MTMR10: variants seen among roughly 807,000 people sequenced by gnomAD.
MTMR10 encodes the protein myotubularin-related protein 10.
In MTMR10, 56 loss-of-function variants were observed where a neutral mutation model predicts 88.1. The observed-to-expected ratio is 0.64, with a 90% CI of 0.51 to 0.79. The LOEUF is 0.79. MTMR10 is among the 30% of genes least tolerant of loss of function. The probability of loss-of-function intolerance (pLI) is 0.00; values close to 1 mark genes in which losing one functional copy is unlikely to be tolerated. For synonymous variants in MTMR10, 380 were observed against 340.9 expected (o/e 1.11, Z -1.26); for missense variants, 883 against 924.7 (o/e 0.95, Z 0.58).
Position 30,946,774 on chromosome 15 carries a change from A to G in MTMR10, c.1548+356T>C, listed in dbSNP as rs1339817402. 7.1e-6 allele frequency: 5 copies of G among 702,374 alleles called. No homozygotes were observed. In the Admixed American group the frequency reaches 1.0e-4, roughly 14 times the overall value. 43.5% of individuals were successfully genotyped at this position (702,374 alleles called of 1,614,324 possible). A position where few individuals can be genotyped will look rare whatever the true frequency, so the allele number is the denominator to read the frequency against. ...CTTGTTTTGTACAACTTTTTATCCT[A>G]CTGACCTAGGAAATAAATGTCGTGT... On this transcript the variant is annotated intron_variant, in intron 14 of 15. Coordinates refer to ENST00000435680, the MANE Select transcript of MTMR10 (RefSeq NM_017762.3).
chr15:30,935,027 G>A (rs2062814222), downstream of MTMR10, among the ~76,000 whole-genome samples: 1 of 151,882 alleles, frequency 6.6e-6, no homozygotes, highest in African/African-American at 2.4e-5. Context: ...TCTCCTGCTT[G>A]AAGAATTTCC....
At chr15:30,943,248 G>A in intron 14 of MTMR10, 176 bp from the exon 15 acceptor site, 1 of 1,366,598 alleles carries the variant, frequency 7.3e-7, no homozygotes, top group Non-Finnish European at 9.4e-7. Flanking sequence ...TGAGCTCAGA[G>A]GGCCCCACAG....
the MTMR10 span, chr15:30,926,512 C>A: frequency 4.6e-6 from 2 of 437,982 alleles, no homozygotes; most frequent in Non-Finnish European, 3.0e-6. Flanking sequence ...TTAACAAGTA[C>A]TATAGAAAGA....
chr15:30,927,665 A>T, the MTMR10 span: 1 of 985,548 alleles, frequency 1.0e-6, no homozygotes, highest in Non-Finnish European at 1.2e-6. Flanking sequence ...GCATGTCAGG[A>T]TGGGGGTCTG....
At chr15:30,929,896 A>C in the MTMR10 span, among the ~76,000 whole-genome samples, 1 of 73,102 alleles carries the variant, frequency 1.4e-5, no homozygotes, top group African/African-American at 5.5e-5. Context: ...TATCATATAT[A>C]ATATATAAAA....
Position 30,974,405 on chromosome 15 carries a change from T to A in MTMR10, c.383A>T (p.Lys128Ile). The A allele has an allele frequency of 6.2e-7, 1 of 1,607,582 alleles. No homozygotes were observed. Among genetic ancestry groups the A allele is most frequent in the Non-Finnish European group, 8.5e-7 (1 of 1,176,050 alleles). Reference protein sequence around the residue: ...QKVLGPNQKLKFNPTELIIYC... With the variant: ...QKVLGPNQKLIFNPTELIIYC... ...AATAATTAACTCTGTTGGATTAAAT[T>A]TCAGTTTCTGGTTGGGGCCTAGGAC... The change falls in exon 5 of 16, where the codon AAA becomes ATA. Residue 128 changes from lysine to isoleucine, a missense_variant. Physicochemically the swap from Lys to Ile is moderately radical, Grantham distance 102. This residue lies in a region of MTMR10 where 414 missense variants were observed against 423.2 expected (regional missense o/e 0.98). Coordinates refer to ENST00000435680, the MANE Select transcript of MTMR10 (RefSeq NM_017762.3).
intron 7 of MTMR10, among the ~76,000 whole-genome samples, chr15:30,959,835 T>C (rs183904520): frequency 3.9e-5 from 6 of 152,354 alleles, no homozygotes; most frequent in Admixed American, 1.3e-4. Context: ...AAGCTGCTTA[T>C]GTGCGTGAAC....
Position 30,991,400 on chromosome 15 carries a change from C to G in MTMR10, c.60+47G>C, listed in dbSNP as rs564280397. On this transcript the variant is annotated intron_variant, in intron 1 of 15. Transcript: ENST00000435680. ...CCCGGGGGTCGGCCTGGAGGCTCCA[C>G]GGAAGCGCAGAGGAGAGTCGGGCGC... The G allele has an allele frequency of 6.3e-6, 9 of 1,430,216 alleles. No individual in the cohort carries two copies. The East Asian group carries it at 1.9e-4, about 31-fold the overall frequency. The allele number at this position is 1,430,216 out of a possible 1,614,324, so 88.6% of individuals were successfully genotyped here.
intron 13 of MTMR10, among the ~76,000 whole-genome samples, 180 bp from the exon 14 acceptor site, chr15:30,947,480 G>T (rs1052581507): frequency 3.9e-5 from 6 of 152,146 alleles, no homozygotes; most frequent in African/African-American, 1.4e-4. Flanking sequence ...ACATTCAACC[G>T]TGATAAACAT....
the MTMR10 span, chr15:30,920,487 ATTGTC>A: frequency 1.9e-6 from 2 of 1,071,734 alleles, no homozygotes; most frequent in South Asian, 2.7e-5. Flanking sequence ...ACTTGTTATT[ATTGTC>A]TTATAATAAA....
chr15:30,919,688 C>CA, the MTMR10 span, among the ~76,000 whole-genome samples: 2 of 118,624 alleles, frequency 1.7e-5, no homozygotes, highest in African/African-American at 7.7e-5. Context: ...GACTCTGTCT[C>CA]GGGGAAAAAA....
intron 12 of MTMR10, among the ~76,000 whole-genome samples, chr15:30,951,368 C>G (rs1595915556): frequency 6.6e-6 from 1 of 152,236 alleles, no homozygotes; most frequent in East Asian, 1.9e-4. Context: ...AGAGAATGCC[C>G]TGTCAAAATT....
In MTMR10 at chr15:30,940,282, CTTT is replaced by C. The variant is rs2062996777; in HGVS notation, c.*1185_*1187del. The C allele has an allele frequency of 3.5e-6, 3 of 867,046 alleles. No individual in the cohort carries two copies. In the African/African-American group the frequency reaches 5.6e-5, roughly 16 times the overall value. 53.7% of individuals were successfully genotyped at this position (867,046 alleles called of 1,614,324 possible). A position where few individuals can be genotyped will look rare whatever the true frequency, so the allele number is the denominator to read the frequency against. ...TGTCACACAGTTTGGAAATACTTTACTTTAGAGAGATTCAGATCAAGCAAACAA... is the reference window on the plus strand; with the variant it reads ...TGTCACACAGTTTGGAAATACTTTACAGAGAGATTCAGATCAAGCAAACAA... On this transcript the variant is annotated 3_prime_UTR_variant, in exon 16 of 16. Transcript: ENST00000435680.
intron 14 of MTMR10, chr15:30,943,829 C>T: frequency 1.0e-6 from 1 of 985,442 alleles, no homozygotes; most frequent in African/African-American, 1.7e-5. Context: ...CAGACCATTT[C>T]TATGAAGCAC....
chr15:30,934,402 C>T (rs1290562581), downstream of MTMR10, among the ~76,000 whole-genome samples: 3 of 152,140 alleles, frequency 2.0e-5, no homozygotes, highest in Non-Finnish European at 4.4e-5. Context: ...GTGTTTGGAA[C>T]ATTTACATTT....
the MTMR10 span, chr15:30,927,949 G>A: frequency 1.0e-6 from 1 of 985,812 alleles, no homozygotes; most frequent in Non-Finnish European, 1.2e-6. Flanking sequence ...CGTGAGGAGG[G>A]GCACTGAAGT....
At chr15:30,929,327 G>A in the MTMR10 span, 1 of 1,611,940 alleles carries the variant, frequency 6.2e-7, no homozygotes, top group African/African-American at 1.3e-5. Flanking sequence ...GCAGCCACGT[G>A]GCATGAGCAG....
Position 30,954,770 on chromosome 15 carries a change from G to A in MTMR10, c.1059C>T (p.Cys353=), listed in dbSNP as rs368368656. The part of the protein sequence containing the change: ...QAAFVKLKQL[C]VNEPFEETEE... The stretch of plus-strand genomic sequence containing the variant: ...AAATAAGAATGAAATTACCATTAAC[G>A]CATAGCTGCTTCAGTTTTACAAATG... Residue 353 remains cysteine (C), a synonymous_variant, in exon 10 of 16, where the codon TGC becomes TGT. Coordinates refer to ENST00000435680, the MANE Select transcript of MTMR10 (RefSeq NM_017762.3). 22 of 1,598,440 alleles carry A rather than the reference G, an allele frequency of 1.4e-5. No homozygotes were observed. Among genetic ancestry groups the A allele is most frequent in the Admixed American group, 7.0e-5 (4 of 57,162 alleles).
At position 30,944,636 on chromosome 15, in the gene MTMR10, G is replaced by A. The variant is rs150497654; in HGVS notation, c.1549-1564C>T. On this transcript the variant is annotated intron_variant, in intron 14 of 15. Coordinates refer to ENST00000435680, the MANE Select transcript of MTMR10 (RefSeq NM_017762.3). ...TACATGGATTAAAAACAATCCATTTGCTTCAAACACTGTTAAGAGCTGAAA... is the reference window on the plus strand; with the variant it reads ...TACATGGATTAAAAACAATCCATTTACTTCAAACACTGTTAAGAGCTGAAA... 5.0e-3 allele frequency among the ~76,000 whole-genome samples: 751 copies of A among 151,380 alleles called. 8 individuals carry two copies. Among genetic ancestry groups the A allele is most frequent in the African/African-American group, 0.017 (710 of 41,156 alleles).
Sources: allele counts gnomAD v4.1 joint callset (sites outside exome capture counted in the v4.1 genomes callset), GRCh38; gene constraint gnomAD v4.1.1; regional missense constraint gnomAD v4.1.1; transcripts MANE v1.5; gene names NCBI Gene and HGNC (gene_info 2026-07-23, HGNC 2026-07-21).